HPSE2: variants seen among roughly 807,000 people sequenced by gnomAD.
The protein encoded by HPSE2 is inactive heparanase-2.
A neutral mutation model predicts 60.5 loss-of-function variants in HPSE2; 38 were observed. The observed-to-expected ratio is 0.63, with a 90% confidence interval of 0.48 to 0.82. HPSE2 has a LOEUF of 0.82. Ranked by LOEUF, HPSE2 falls within the 40% of genes least tolerant of loss-of-function variation. HPSE2 has a pLI of 0.00. For synonymous variants in HPSE2, 295 were observed against 293.2 expected (o/e 1.01, Z -0.06); for missense variants, 713 against 740.4 (o/e 0.96, Z 0.43).
intron 6 of HPSE2, among the ~76,000 whole-genome samples, chr10:98,657,161 T>C (rs1947091489): frequency 6.7e-6 from 1 of 149,102 alleles, no homozygotes; most frequent in South Asian, 2.1e-4. Flanking sequence ...TAAAAAATAA[T>C]GTTGCTATTG....
intron 3 of HPSE2, among the ~76,000 whole-genome samples, chr10:99,121,212 GCT>G (rs958877621): frequency 6.6e-6 from 1 of 152,164 alleles, no homozygotes; most frequent in Admixed American, 6.6e-5. Context: ...AATACTGCAT[GCT>G]CTCACTTACA....
At chr10:99,091,465 C>T (rs1589640600) in intron 3 of HPSE2, among the ~76,000 whole-genome samples, 1 of 152,170 alleles carries the variant, frequency 6.6e-6, no homozygotes, top group African/African-American at 2.4e-5. Flanking sequence ...ATATTCACTG[C>T]TACATCAATC....
intron 3 of HPSE2, among the ~76,000 whole-genome samples, chr10:98,947,078 T>C (rs910080472): frequency 1.3e-5 from 2 of 152,012 alleles, no homozygotes; most frequent in African/African-American, 2.4e-5. Flanking sequence ...AAAGGTTGAA[T>C]TGCTTGACAC....
intron 3 of HPSE2, among the ~76,000 whole-genome samples, chr10:98,898,158 G>C: frequency 6.6e-6 from 1 of 152,068 alleles, no homozygotes; most frequent in South Asian, 2.1e-4. Flanking sequence ...GCCACTAAAA[G>C]ACAGTTTGGC....
chr10:98,802,783 G>A (rs1424978753), intron 3 of HPSE2, among the ~76,000 whole-genome samples: 14 of 140,266 alleles, frequency 1.0e-4, no homozygotes, highest in Non-Finnish European at 1.5e-4. Flanking sequence ...ATAAACATAC[G>A]TGTGCATGTG....
intron 10 of HPSE2, among the ~76,000 whole-genome samples, chr10:98,487,086 G>C (rs1429067373): frequency 6.6e-6 from 1 of 152,122 alleles, no homozygotes; most frequent in Non-Finnish European, 1.5e-5. Context: ...AATTGGTTCT[G>C]AACTTGGCTA....
chr10:99,079,315 G>A (rs1350547595), intron 3 of HPSE2, among the ~76,000 whole-genome samples: 1 of 152,060 alleles, frequency 6.6e-6, no homozygotes, highest in Non-Finnish European at 1.5e-5. Context: ...GCTCTGTGTA[G>A]AGCCAGGGGA....
chr10:99,016,096 T>C (rs975080083), intron 3 of HPSE2, among the ~76,000 whole-genome samples: 1 of 152,224 alleles, frequency 6.6e-6, no homozygotes, highest in Non-Finnish European at 1.5e-5. Flanking sequence ...GGCATCTTCA[T>C]CATGAAATCT....
the HPSE2 span, among the ~76,000 whole-genome samples, chr10:99,308,487 C>T: frequency 6.6e-6 from 1 of 150,912 alleles, no homozygotes; most frequent in Non-Finnish European, 1.5e-5. Flanking sequence ...AAAAGAAGTA[C>T]TGATGCATGT....
chr10:99,005,344 C>A (rs987859297), intron 3 of HPSE2, among the ~76,000 whole-genome samples: 2 of 152,006 alleles, frequency 1.3e-5, no homozygotes, highest in African/African-American at 4.8e-5. Flanking sequence ...CACTCCTTTT[C>A]TTTTTAATTT....
chr10:99,059,497 C>T (rs551452541), intron 3 of HPSE2, among the ~76,000 whole-genome samples: 2 of 152,090 alleles, frequency 1.3e-5, no homozygotes, highest in Admixed American at 1.3e-4. Context: ...TCTTGGTGAT[C>T]ATGGGCATTT....
chr10:98,752,820 GA>G (rs1193089905), intron 3 of HPSE2, among the ~76,000 whole-genome samples: 1 of 152,084 alleles, frequency 6.6e-6, no homozygotes, highest in African/African-American at 2.4e-5. Context: ...AATGGATAAA[GA>G]ATATGTAGCA....
rs562261280 is a variant in HPSE2, at chr10:98,921,509, C to T, written c.611-177453G>A. On this transcript the variant is annotated intron_variant, in intron 3 of 11. Coordinates refer to ENST00000370552, the MANE Select transcript of HPSE2 (RefSeq NM_021828.5). ...CAAAAGAGGGATTACCAGAAGATTA[C>T]GATGGTCAGGGGAAAGCTGAAATAA... Among the ~76,000 whole-genome samples the T allele has an allele frequency of 9.0e-4, 137 of 152,266 alleles. 1 individual carries two copies. Among genetic ancestry groups the T allele is most frequent in the African/African-American group, 3.1e-3 (128 of 41,546 alleles).
intron 3 of HPSE2, among the ~76,000 whole-genome samples, chr10:98,997,231 G>A (rs1167661407): frequency 6.7e-6 from 1 of 149,904 alleles, no homozygotes; most frequent in Non-Finnish European, 1.5e-5. Context: ...TTCTGCCTCA[G>A]CCTCCAGAGT....
At chr10:99,170,495 A>C (rs989488212) in intron 2 of HPSE2, among the ~76,000 whole-genome samples, 1 of 152,230 alleles carries the variant, frequency 6.6e-6, no homozygotes, top group Non-Finnish European at 1.5e-5. Context: ...AGCAGCAGCC[A>C]CAACAAATCA....
chr10:98,972,011 A>G (rs1337892180), intron 3 of HPSE2, among the ~76,000 whole-genome samples: 3 of 152,062 alleles, frequency 2.0e-5, no homozygotes, highest in Non-Finnish European at 2.9e-5. Context: ...CATTGTATCT[A>G]TAGTTATTAT....
At chr10:98,589,807 C>T (rs1460685642) in intron 9 of HPSE2, among the ~76,000 whole-genome samples, 1 of 152,196 alleles carries the variant, frequency 6.6e-6, no homozygotes, top group East Asian at 1.9e-4. Context: ...CTTGATAAGA[C>T]TCCACTTTTG....
intron 3 of HPSE2, among the ~76,000 whole-genome samples, chr10:99,031,942 G>T (rs568868825): frequency 1.3e-5 from 2 of 152,120 alleles, no homozygotes; most frequent in Non-Finnish European, 2.9e-5. Flanking sequence ...TTGTTCCTGG[G>T]ATTTCTGCTA....
rs1316984978 is a variant in HPSE2 at position 98,480,734 on chromosome 10, T to C, written c.1613+1902A>G. Among the ~76,000 whole-genome samples the C allele has an allele frequency of 4.6e-5, 7 of 152,254 alleles. No individual in the cohort carries two copies. In the East Asian group the frequency reaches 1.2e-3, roughly 25 times the overall value. On this transcript the variant is annotated intron_variant, in intron 11 of 11. Transcript: ENST00000370552. Reference sequence around the variant, plus strand: ...GACTTTTTATCATAATCCTAACAAATGTTTTGTCAACACATTATCTTAAAA... The same window carrying C: ...GACTTTTTATCATAATCCTAACAAACGTTTTGTCAACACATTATCTTAAAA...
Sources: gnomAD v4.1 joint callset for allele counts (sites outside exome capture counted in the v4.1 genomes callset) on GRCh38, gnomAD v4.1.1 for gene constraint, MANE v1.5 for transcripts, NCBI Gene and HGNC (gene_info 2026-07-23, HGNC 2026-07-21) for gene names.